Variants in SBF2 observed in about 807,000 individuals in gnomAD.
SBF2 encodes the protein myotubularin-related protein 13.
Under a neutral mutation model 225.2 loss-of-function variants are expected in SBF2, and 112 were observed. The observed-to-expected ratio is 0.50, with a 90% confidence interval of 0.43 to 0.58. SBF2 has a LOEUF of 0.58. Ranked by LOEUF, SBF2 falls within the 20% of genes least tolerant of loss-of-function variation. The pLI is 0.00. For synonymous variants in SBF2, 763 were observed against 773.3 expected (o/e 0.99, Z 0.22); for missense variants, 1,996 against 2,206.2 (o/e 0.90, Z 1.91).
At chr11:10,098,487 A>C (rs187668474) in intron 2 of SBF2, among the ~76,000 whole-genome samples, 65 of 151,838 alleles carry the variant, frequency 4.3e-4, no homozygotes, top group African/African-American at 1.5e-3. Flanking sequence ...AAAAAAAAAA[A>C]ACAAAGAAAT....
At chr11:9,916,389 G>C (rs1378809063) in intron 16 of SBF2, among the ~76,000 whole-genome samples, 1 of 152,008 alleles carries the variant, frequency 6.6e-6, no homozygotes, top group Non-Finnish European at 1.5e-5. Context: ...TAATGAAAAT[G>C]TTTTTGAAAT....
At chr11:9,844,096 T>C (rs1204173969) in intron 24 of SBF2, among the ~76,000 whole-genome samples, 1 of 152,220 alleles carries the variant, frequency 6.6e-6, no homozygotes, top group East Asian at 1.9e-4. Context: ...CAAAGCTTTG[T>C]CTCTTCCATT....
chr11:9,990,973 T>C (rs1260335197), intron 12 of SBF2, among the ~76,000 whole-genome samples: 1 of 152,164 alleles, frequency 6.6e-6, no homozygotes, highest in Non-Finnish European at 1.5e-5. Flanking sequence ...CACTTTTTAG[T>C]TGTGATGAAG....
At chr11:9,809,062 G>C (rs1854016664) in intron 30 of SBF2, 60 bp from the exon 31 acceptor site, 5 of 1,299,566 alleles carry the variant, frequency 3.8e-6, no homozygotes, top group East Asian at 2.3e-5. Flanking sequence ...AGAAGTCAGA[G>C]AGAGTTGCTT....
In SBF2 at chr11:9,787,656, T is replaced by C; in HGVS notation, c.5015A>G (p.Lys1672Arg). The change falls in exon 36 of 40, where the codon AAA becomes AGA. Residue 1672 changes from lysine to arginine, a missense_variant. Coordinates refer to ENST00000256190, the MANE Select transcript of SBF2 (RefSeq NM_030962.4). ...CACGCGATCTGTTCTTGGTTCTTCT[T>C]TAAGGTCCACGGTTACCCTTTCCCA... The part of the protein sequence containing the change: ...QLWERVTVDL[K>R]EEPRTDRSQR... 6.2e-7 allele frequency: 1 copy of C among 1,612,724 alleles called. No homozygotes were observed.
chr11:10,298,582 C>T (rs1313327261), upstream of SBF2, among the ~76,000 whole-genome samples: 1 of 152,184 alleles, frequency 6.6e-6, no homozygotes, highest in Admixed American at 6.5e-5. Flanking sequence ...CTTGAGCAAA[C>T]ATCACCAGGC....
rs1565191228 is a variant in SBF2, at chr11:10,066,344, C to A, written c.142-23363G>T. ...TATCTATATATCTATATATCTATAT[C>A]TATATATATATATCTTTTATTTTAG... On this transcript the variant is annotated intron_variant, in intron 2 of 39. Transcript: ENST00000256190. Among the ~76,000 whole-genome samples, 4 of 149,840 alleles carry A rather than the reference C, an allele frequency of 2.7e-5. No homozygotes were observed. In the East Asian group the frequency reaches 5.8e-4, roughly 22 times the overall value.
chr11:9,826,528 G>A (rs1855069431), intron 28 of SBF2, among the ~76,000 whole-genome samples: 1 of 152,096 alleles, frequency 6.6e-6, no homozygotes, highest in Non-Finnish European at 1.5e-5. Context: ...ACGTGTGGGA[G>A]AGTACACTTA....
chr11:9,901,282 G>A (rs954204152), intron 16 of SBF2, among the ~76,000 whole-genome samples: 1 of 152,164 alleles, frequency 6.6e-6, no homozygotes, highest in Non-Finnish European at 1.5e-5. Flanking sequence ...GCAAATTTTA[G>A]TATTAGTTGT....
chr11:9,911,166 G>A (rs1161583564), intron 16 of SBF2, among the ~76,000 whole-genome samples: 2 of 151,990 alleles, frequency 1.3e-5, no homozygotes, highest in Admixed American at 1.3e-4. Context: ...AGGAGTTCAA[G>A]ACCAGCCTGG....
At chr11:9,910,968 G>C (rs1039791850) in intron 16 of SBF2, among the ~76,000 whole-genome samples, 5 of 151,338 alleles carry the variant, frequency 3.3e-5, no homozygotes, top group African/African-American at 2.4e-5. Context: ...CTGAGGCAGG[G>C]GAATTGCTTG....
intron 19 of SBF2, 26 bp from the exon 20 acceptor site, chr11:9,853,738 T>C (rs750425213): frequency 1.2e-6 from 2 of 1,607,998 alleles, no homozygotes; most frequent in South Asian, 1.1e-5. Context: ...AAAGAAATCA[T>C]GGTCAGTACT....
intron 28 of SBF2, among the ~76,000 whole-genome samples, chr11:9,821,691 T>C (rs1018670677): frequency 2.1e-4 from 32 of 152,218 alleles, no homozygotes; most frequent in Non-Finnish European, 8.8e-5. Context: ...CAGTATTTTT[T>C]TCAAAATTAA....
intron 2 of SBF2, among the ~76,000 whole-genome samples, chr11:10,186,841 G>C (rs1470126521): frequency 2.0e-5 from 3 of 152,194 alleles, no homozygotes; most frequent in Non-Finnish European, 4.4e-5. Context: ...GGAGCTCTGT[G>C]CCAGAAACTG....
At chr11:10,131,475 C>T (rs751471532) in intron 2 of SBF2, among the ~76,000 whole-genome samples, 43 of 151,984 alleles carry the variant, frequency 2.8e-4, no homozygotes, top group Non-Finnish European at 6.0e-4. Context: ...CTCTTGTTGC[C>T]CAGGCTGGAG....
chr11:10,104,975 T>C (rs1033436781), intron 2 of SBF2, among the ~76,000 whole-genome samples: 3 of 152,236 alleles, frequency 2.0e-5, no homozygotes, highest in Admixed American at 6.5e-5. Context: ...TTTTATATAT[T>C]GCTAGATTCA....
At chr11:10,224,858 C>T (rs1958477195) in intron 1 of SBF2, among the ~76,000 whole-genome samples, 1 of 152,160 alleles carries the variant, frequency 6.6e-6, no homozygotes, top group Non-Finnish European at 1.5e-5. Flanking sequence ...AAGACCCCTA[C>T]AGGCCTACAG....
At chr11:10,002,011 A>T (rs1057195284) in intron 7 of SBF2, among the ~76,000 whole-genome samples, 6 of 152,150 alleles carry the variant, frequency 3.9e-5, no homozygotes, top group Non-Finnish European at 5.9e-5. Context: ...TAGGAAAAAA[A>T]TTTTAACATA....
At chr11:9,800,475 C>T (rs1054164637) in intron 32 of SBF2, among the ~76,000 whole-genome samples, 8 of 150,392 alleles carry the variant, frequency 5.3e-5, no homozygotes, top group Non-Finnish European at 1.0e-4. Context: ...GGCGCAGTCT[C>T]GGCTCACTGC....
Sources: gnomAD v4.1 joint callset for allele counts (sites outside exome capture counted in the v4.1 genomes callset) on GRCh38, gnomAD v4.1.1 for gene constraint, MANE v1.5 for transcripts, NCBI Gene and HGNC (gene_info 2026-07-23, HGNC 2026-07-21) for gene names.